Variants in EYA1 observed in about 807,000 individuals in gnomAD.
EYA1 encodes EYA transcriptional coactivator and phosphatase 1, also known as protein phosphatase EYA1.
In EYA1, 16 loss-of-function variants were observed where a neutral mutation model predicts 82.0. The ratio of observed to expected loss-of-function variants is 0.20; its 90% CI spans 0.13 to 0.30. The LOEUF (loss-of-function observed/expected upper bound fraction) is 0.30, where lower values mean the gene tolerates loss of function less well. EYA1 is among the 10% of genes least tolerant of loss of function. The pLI, the probability that EYA1 is intolerant of heterozygous loss-of-function variation, is 1.00. For synonymous variants in EYA1, 261 were observed against 264.4 expected, an observed-to-expected ratio of 0.99 and a Z score of 0.12; for missense variants, 633 against 730.7, an observed-to-expected ratio of 0.87 and a Z score of 1.54.
chr8:71,222,394 G>C (rs1457894456), intron 12 of EYA1, among the ~76,000 whole-genome samples: 1 of 152,174 alleles, frequency 6.6e-6, no homozygotes, highest in African/African-American at 2.4e-5. Context: ...TACCAAACTT[G>C]GGTATTGCTA....
chr8:71,354,643 A>G, intron 3 of EYA1, 139 bp downstream of exon 3: 1 of 815,832 alleles, frequency 1.2e-6, no homozygotes, highest in African/African-American at 1.7e-5. Context: ...ACTGATTGGT[A>G]AGTCACATTA....
At chr8:71,214,238 C>G (rs1239941676) in intron 16 of EYA1, among the ~76,000 whole-genome samples, 1 of 152,084 alleles carries the variant, frequency 6.6e-6, no homozygotes, top group Non-Finnish European at 1.5e-5. Flanking sequence ...GGGTGATATA[C>G]AACGCCATTC....
chr8:71,354,964 T>C, intron 2 of EYA1, 55 bp from the exon 3 acceptor site: 6 of 1,563,714 alleles, frequency 3.8e-6, no homozygotes, highest in Non-Finnish European at 5.3e-6. Flanking sequence ...AACACCACCA[T>C]TTAATGCGCT....
chr8:71,395,754 T>G (rs1829565358), intron 2 of EYA1, among the ~76,000 whole-genome samples: 1 of 152,174 alleles, frequency 6.6e-6, no homozygotes, highest in African/African-American at 2.4e-5. Flanking sequence ...AAAATTCTCT[T>G]TTTTTGCTGT....
chr8:71,326,654 C>G (rs1452894319), intron 4 of EYA1, among the ~76,000 whole-genome samples: 1 of 152,144 alleles, frequency 6.6e-6, no homozygotes, highest in African/African-American at 2.4e-5. Context: ...CCTCTGATGG[C>G]CTTGCTGAAA....
chr8:71,360,760 C>T (rs1481241761), intron 1 of EYA1, among the ~76,000 whole-genome samples: 1 of 152,208 alleles, frequency 6.6e-6, no homozygotes, highest in Non-Finnish European at 1.5e-5. Flanking sequence ...TAAAACTACA[C>T]TATGTGCTTA....
At chr8:71,331,906 G>C (rs1442114784) in intron 4 of EYA1, among the ~76,000 whole-genome samples, 2 of 152,084 alleles carry the variant, frequency 1.3e-5, no homozygotes, top group African/African-American at 4.8e-5. Flanking sequence ...GAAGTGCAGT[G>C]GTGCAATCAT....
chr8:71,399,075 G>A (rs1563572877), intron 2 of EYA1, among the ~76,000 whole-genome samples: 2 of 152,224 alleles, frequency 1.3e-5, no homozygotes, highest in Non-Finnish European at 2.9e-5. Flanking sequence ...AGGCTCTGTG[G>A]GCGTGGGACC....
intron 2 of EYA1, among the ~76,000 whole-genome samples, chr8:71,533,179 C>T (rs1313296595): frequency 1.3e-5 from 2 of 152,210 alleles, no homozygotes; most frequent in East Asian, 1.9e-4. Flanking sequence ...GAAGATGGAG[C>T]TCTTCCAATT....
chr8:71,495,577 A>C (rs757475312), intron 2 of EYA1, among the ~76,000 whole-genome samples: 3 of 152,196 alleles, frequency 2.0e-5, no homozygotes, highest in Non-Finnish European at 2.9e-5. Context: ...ACGCCACTGC[A>C]CTCTAGCCTG....
At chr8:71,371,760 G>T (rs2129090315) in intron 2 of EYA1, among the ~76,000 whole-genome samples, 1 of 151,976 alleles carries the variant, frequency 6.6e-6, no homozygotes, top group East Asian at 1.9e-4. Context: ...AGATACTGAA[G>T]CCATGAAACA....
chr8:71,547,671 C>T (rs1263194607), intron 1 of EYA1: 3 of 151,662 alleles, frequency 2.0e-5, no homozygotes, highest in African/African-American at 7.3e-5. Flanking sequence ...GCCGCGGGCT[C>T]TCGGCCGCCG....
intron 2 of EYA1, among the ~76,000 whole-genome samples, chr8:71,454,430 A>T (rs1807700056): frequency 6.6e-6 from 1 of 152,218 alleles, no homozygotes; most frequent in Non-Finnish European, 1.5e-5. Context: ...CTTAATAGAC[A>T]TCTACAGAAC....
intron 17 of EYA1, among the ~76,000 whole-genome samples, chr8:71,203,048 T>G (rs1807262267): frequency 6.6e-6 from 1 of 152,204 alleles, no homozygotes; most frequent in African/African-American, 2.4e-5. Flanking sequence ...AACAAACATT[T>G]CTTGTATGAA....
At chr8:71,284,081 C>T (rs11786282) in intron 9 of EYA1, among the ~76,000 whole-genome samples, 1 of 151,962 alleles carries the variant, frequency 6.6e-6, no homozygotes, top group Non-Finnish European at 1.5e-5. Context: ...ATTGTTTCTC[C>T]AAGCCGTAAG....
chr8:71,483,356 C>A (rs895766566), intron 2 of EYA1, among the ~76,000 whole-genome samples: 3 of 146,598 alleles, frequency 2.0e-5, no homozygotes, highest in African/African-American at 7.8e-5. Context: ...AAAGCCCTCA[C>A]TTTAGTATGT....
At chr8:71,348,858 T>C (rs140216557) in intron 3 of EYA1, among the ~76,000 whole-genome samples, 3 of 152,316 alleles carry the variant, frequency 2.0e-5, no homozygotes, top group Admixed American at 6.5e-5. Flanking sequence ...GCTGGTATAA[T>C]TTAGTTCTTA....
intron 2 of EYA1, among the ~76,000 whole-genome samples, chr8:71,417,960 C>T (rs77741472): frequency 9.2e-4 from 140 of 152,262 alleles, no homozygotes; most frequent in African/African-American, 3.2e-3. Flanking sequence ...TCCATTTCAC[C>T]AAATTGCTCA....
intron 9 of EYA1, among the ~76,000 whole-genome samples, chr8:71,278,973 G>A (rs1362302447): frequency 6.6e-6 from 1 of 152,188 alleles, no homozygotes; most frequent in Non-Finnish European, 1.5e-5. Context: ...CTAAACAGAA[G>A]TAGGTAATTG....
Sources: allele counts gnomAD v4.1 joint callset (sites outside exome capture counted in the v4.1 genomes callset), GRCh38; gene constraint gnomAD v4.1.1; transcripts MANE v1.5; gene names NCBI Gene and HGNC (gene_info 2026-07-23, HGNC 2026-07-21).